Variants in ZNF804B observed in about 807,000 individuals in gnomAD.
The protein encoded by ZNF804B is zinc finger 804B.
Under a neutral mutation model 101.4 loss-of-function variants are expected in ZNF804B, and 80 were observed. That is an observed-to-expected ratio of 0.79 (90% CI 0.66 to 0.95). The LOEUF (loss-of-function observed/expected upper bound fraction) is 0.95, where lower values mean the gene tolerates loss of function less well. Ranked by LOEUF, ZNF804B falls within the 40% of genes least tolerant of loss-of-function variation. The probability of loss-of-function intolerance (pLI) is 0.00; values close to 1 mark genes in which losing one functional copy is unlikely to be tolerated. For missense variants in ZNF804B, 1,673 were observed against 1,561.9 expected, an observed-to-expected ratio of 1.07 and a Z score of -1.20; for synonymous variants, 622 against 558.8, an observed-to-expected ratio of 1.11 and a Z score of -1.59.
intron 1 of ZNF804B, among the ~76,000 whole-genome samples, chr7:89,008,369 T>C (rs2116187520): frequency 6.6e-6 from 1 of 152,296 alleles, no homozygotes; most frequent in African/African-American, 2.4e-5. Flanking sequence ...CTCAGTATGC[T>C]CGCCATTTCA....
At chr7:89,100,901 A>G (rs1277452255) in intron 1 of ZNF804B, among the ~76,000 whole-genome samples, 1 of 152,062 alleles carries the variant, frequency 6.6e-6, no homozygotes, top group African/African-American at 2.4e-5. Context: ...CCATAATATA[A>G]AAATGAAGTT....
At chr7:88,800,965 A>T (rs958809763) in intron 1 of ZNF804B, among the ~76,000 whole-genome samples, 1 of 152,108 alleles carries the variant, frequency 6.6e-6, no homozygotes, top group Non-Finnish European at 1.5e-5. Context: ...GTCTCTCTAC[A>T]TACCTCACTT....
intron 1 of ZNF804B, among the ~76,000 whole-genome samples, chr7:89,105,761 C>T (rs1040195649): frequency 6.6e-6 from 1 of 152,236 alleles, no homozygotes; most frequent in African/African-American, 2.4e-5. Flanking sequence ...CACAGGTCCC[C>T]AAGGATACCT....
intron 1 of ZNF804B, among the ~76,000 whole-genome samples, chr7:89,212,716 G>A (rs1411419860): frequency 6.6e-6 from 1 of 152,150 alleles, no homozygotes; most frequent in Non-Finnish European, 1.5e-5. Flanking sequence ...TGTCTTAGGT[G>A]TCTTAGGAGA....
At chr7:88,921,191 G>A (rs890167245) in intron 1 of ZNF804B, among the ~76,000 whole-genome samples, 6 of 152,072 alleles carry the variant, frequency 3.9e-5, no homozygotes, top group South Asian at 2.1e-4. Flanking sequence ...ACTGGTAGAT[G>A]GATAAAGTAG....
At chr7:89,270,581 A>C (rs568944833) in intron 2 of ZNF804B, among the ~76,000 whole-genome samples, 12 of 152,294 alleles carry the variant, frequency 7.9e-5, no homozygotes, top group African/African-American at 2.6e-4. Context: ...ACTTTAAAGT[A>C]GTATTTTCCA....
intron 1 of ZNF804B, among the ~76,000 whole-genome samples, chr7:88,954,563 C>G (rs1041643251): frequency 8.6e-5 from 13 of 151,210 alleles, no homozygotes; most frequent in African/African-American, 2.4e-4. Context: ...ATGCCCCCCC[C>G]CCACCACGGG....
intron 2 of ZNF804B, among the ~76,000 whole-genome samples, chr7:89,235,970 T>A (rs1350661863): frequency 6.6e-6 from 1 of 152,158 alleles, no homozygotes; most frequent in African/African-American, 2.4e-5. Flanking sequence ...ATTCTTTATG[T>A]ATGTTTTGTG....
intron 1 of ZNF804B, among the ~76,000 whole-genome samples, chr7:89,093,372 G>T (rs1446156332): frequency 6.6e-6 from 1 of 152,144 alleles, no homozygotes; most frequent in Admixed American, 6.5e-5. Flanking sequence ...TTTCAGTGAG[G>T]TTGTTTCATA....
intron 1 of ZNF804B, among the ~76,000 whole-genome samples, chr7:88,869,913 T>C (rs372300642): frequency 1.3e-5 from 2 of 152,092 alleles, no homozygotes; most frequent in East Asian, 1.9e-4. Context: ...CAGCCAGAGG[T>C]CAGCTGCAGA....
chr7:88,891,386 C>T (rs1448408166), intron 1 of ZNF804B, among the ~76,000 whole-genome samples: 2 of 151,954 alleles, frequency 1.3e-5, no homozygotes, highest in South Asian at 4.1e-4. Flanking sequence ...ATAATAATAG[C>T]TATATCCATT....
chr7:88,960,882 C>T (rs1238952383), intron 1 of ZNF804B, among the ~76,000 whole-genome samples: 1 of 151,356 alleles, frequency 6.6e-6, no homozygotes, highest in Non-Finnish European at 1.5e-5. Flanking sequence ...AATTGCCTGT[C>T]AGTTTTCTGT....
At chr7:89,177,586 T>A (rs1008119814) in intron 1 of ZNF804B, among the ~76,000 whole-genome samples, 4 of 152,224 alleles carry the variant, frequency 2.6e-5, no homozygotes, top group Admixed American at 6.5e-5. Flanking sequence ...TCTGCAGCCA[T>A]TGAATGACAT....
At chr7:88,884,036 G>A in intron 1 of ZNF804B, among the ~76,000 whole-genome samples, 1 of 151,936 alleles carries the variant, frequency 6.6e-6, no homozygotes, top group South Asian at 2.1e-4. Flanking sequence ...CCTAATGAAG[G>A]CAGATGTCTA....
chr7:88,987,831 G>T (rs1484689150), intron 1 of ZNF804B, among the ~76,000 whole-genome samples: 1 of 151,930 alleles, frequency 6.6e-6, no homozygotes, highest in African/African-American at 2.4e-5. Flanking sequence ...TTGTCTTATT[G>T]TGCTACTGAA....
chr7:89,072,881 A>G (rs1789563171), intron 1 of ZNF804B, among the ~76,000 whole-genome samples: 1 of 152,068 alleles, frequency 6.6e-6, no homozygotes, highest in African/African-American at 2.4e-5. Flanking sequence ...TATATCATAA[A>G]GATATATGAG....
intron 2 of ZNF804B, among the ~76,000 whole-genome samples, chr7:89,262,336 T>C (rs931919536): frequency 6.6e-6 from 1 of 152,218 alleles, no homozygotes; most frequent in Non-Finnish European, 1.5e-5. Flanking sequence ...ATGCTCATTA[T>C]TTTCTTGCTC....
chr7:88,977,704 G>A (rs1185391606), intron 1 of ZNF804B, among the ~76,000 whole-genome samples: 1 of 150,848 alleles, frequency 6.6e-6, no homozygotes, highest in Non-Finnish European at 1.5e-5. Context: ...TTATTCTGTT[G>A]TTTTCTTTTT....
rs974920638 is a variant in ZNF804B, at chr7:89,025,011, T to A, written c.109-193144T>A. ...TATAGATGCAGCCGTACAACCCACA[T>A]GACCAGTGTGTGATTTGCTCACTTA... On this transcript the variant is annotated intron_variant, in intron 1 of 3. Coordinates refer to ENST00000333190, the MANE Select transcript of ZNF804B (RefSeq NM_181646.5). Among the ~76,000 whole-genome samples, 3 of 152,214 alleles carry A rather than the reference T, an allele frequency of 2.0e-5. No individual in the cohort carries two copies. The South Asian group carries it at 6.2e-4, about 32-fold the overall frequency.
Sources: gnomAD v4.1 joint callset for allele counts (sites outside exome capture counted in the v4.1 genomes callset) on GRCh38, gnomAD v4.1.1 for gene constraint, MANE v1.5 for transcripts, NCBI Gene and HGNC (gene_info 2026-07-23, HGNC 2026-07-21) for gene names.